TAX1BP1: variants seen among roughly 807,000 people sequenced by gnomAD.
TAX1BP1 encodes Tax1 binding protein 1.
TAX1BP1 carries 62 observed loss-of-function variants against 97.7 expected under a neutral mutation model. The ratio of observed to expected loss-of-function variants is 0.63; its 90% confidence interval spans 0.52 to 0.78. The LOEUF (loss-of-function observed/expected upper bound fraction) is 0.78, where lower values mean the gene tolerates loss of function less well. Ranked by LOEUF, TAX1BP1 falls within the 30% of genes least tolerant of loss-of-function variation. The probability of loss-of-function intolerance (pLI) is 0.00; values close to 1 mark genes in which losing one functional copy is unlikely to be tolerated. For synonymous variants in TAX1BP1, 340 were observed against 304.2 expected (o/e 1.12, Z -1.23); for missense variants, 867 against 916.1 (o/e 0.95, Z 0.69).
chr7:27,765,402 T>C (rs1788595278), intron 3 of TAX1BP1, among the ~76,000 whole-genome samples: 1 of 152,302 alleles, frequency 6.6e-6, no homozygotes, highest in Admixed American at 6.5e-5. Flanking sequence ...CATATTACTT[T>C]AGTTAATATC....
At chr7:27,748,777 C>A in intron 2 of TAX1BP1, 91 bp downstream of exon 2, 1 of 994,022 alleles carries the variant, frequency 1.0e-6, no homozygotes, top group South Asian at 3.5e-5. Context: ...TGCCTTAACT[C>A]TGCATTAAGA....
At chr7:27,787,684 C>A in intron 8 of TAX1BP1, 81 bp downstream of exon 8, 2 of 1,270,246 alleles carry the variant, frequency 1.6e-6, no homozygotes, top group Non-Finnish European at 2.1e-6. Context: ...ATTTTTAATT[C>A]CCCCAAGCTT....
At position 27,828,862 on chromosome 7, in the gene TAX1BP1, A is replaced by AT; in HGVS notation, c.*33_*34insT. ...TTATTATGAGTTAATATAGTTTAGC[A>AT]GTAAAAAAAAAAAAAAAAACCACAC... On this transcript the variant is annotated 3_prime_UTR_variant, in exon 17 of 17. Transcript: ENST00000396319. 26 of 1,176,430 alleles carry AT rather than the reference A, an allele frequency of 2.2e-5. No individual in the cohort carries two copies. The highest frequency in any genetic ancestry group is 2.8e-5 in the Non-Finnish European group (24 of 846,754). 72.9% of individuals were successfully genotyped at this position (1,176,430 alleles called of 1,614,324 possible).
At chr7:27,746,264 A>G (rs945296084) in intron 1 of TAX1BP1, among the ~76,000 whole-genome samples, 2 of 152,134 alleles carry the variant, frequency 1.3e-5, no homozygotes, top group African/African-American at 2.4e-5. Context: ...CACTCACTTC[A>G]TAGAAAAATA....
In TAX1BP1 at chr7:27,789,292, TTTA is replaced by T. The variant is rs551469267; in HGVS notation, c.1038+1692_1038+1694del. Among the ~76,000 whole-genome samples, 5 of 152,136 alleles carry T rather than the reference TTTA, an allele frequency of 3.3e-5. No homozygotes were observed. In the South Asian group the frequency reaches 1.0e-3, roughly 32 times the overall value. The stretch of plus-strand genomic sequence containing the variant: ...CTTGTATTTAATTTTAATATTTGCT[TTTA>T]TTCTTCTGTTTGATTTATTTTTATT... On this transcript the variant is annotated intron_variant, in intron 8 of 16. Transcript: ENST00000396319.
chr7:27,776,111 T>C (rs1016154696), intron 5 of TAX1BP1, among the ~76,000 whole-genome samples: 4 of 152,174 alleles, frequency 2.6e-5, no homozygotes, highest in African/African-American at 7.2e-5. Flanking sequence ...AAATTTGAAA[T>C]TCTAGTAATG....
intron 12 of TAX1BP1, among the ~76,000 whole-genome samples, chr7:27,797,739 C>T (rs11761430): frequency 0.1 from 15,034 of 150,480 alleles, 821 homozygotes; most frequent in South Asian, 0.12. Flanking sequence ...ACTACATTTT[C>T]GTTAAAGATG....
At chr7:27,790,355 A>G (rs1197298632) in intron 8 of TAX1BP1, among the ~76,000 whole-genome samples, 1 of 151,944 alleles carries the variant, frequency 6.6e-6, no homozygotes, top group Non-Finnish European at 1.5e-5. Context: ...AAACATCCTT[A>G]TAGCAATATG....
At chr7:27,765,357 C>CT (rs1788594241) in intron 3 of TAX1BP1, among the ~76,000 whole-genome samples, 2 of 152,036 alleles carry the variant, frequency 1.3e-5, no homozygotes, top group African/African-American at 4.8e-5. Flanking sequence ...TAGCAGACCT[C>CT]ATCTTTTCTG....
chr7:27,751,527 A>G (rs1202416160), intron 2 of TAX1BP1, among the ~76,000 whole-genome samples: 1 of 152,182 alleles, frequency 6.6e-6, no homozygotes, highest in Non-Finnish European at 1.5e-5. Flanking sequence ...AATGCTTATC[A>G]TTAATACTTA....
chr7:27,778,789 G>A (rs903140099), intron 5 of TAX1BP1, among the ~76,000 whole-genome samples: 1 of 151,778 alleles, frequency 6.6e-6, no homozygotes, highest in Non-Finnish European at 1.5e-5. Context: ...TTGAACCTGC[G>A]AGGTGGAGGT....
chr7:27,816,515 C>T lies in TAX1BP1; in HGVS notation c.1931C>T (p.Thr644Ile). 1 of 1,531,460 alleles carries T rather than the reference C, an allele frequency of 6.5e-7. No homozygotes were observed. Among genetic ancestry groups the T allele is most frequent in the East Asian group, 2.5e-5 (1 of 40,194 alleles). 94.9% of individuals were successfully genotyped at this position (1,531,460 alleles called of 1,614,324 possible). A position where few individuals can be genotyped will look rare whatever the true frequency, so the allele number is the denominator to read the frequency against. The change falls in exon 14 of 17, where the codon ACA (threonine) becomes ATA (isoleucine). Residue 644 changes from threonine to isoleucine, a missense_variant. Transcript: ENST00000396319. ...GGTAATCCTTATGCATCTCAGGAAA[C>T]AAGAGGTTATTACAGTATTTTTGGT... ...QYGNPYASQE[T>I]RDGADGAFYP... is the part of the protein sequence containing the mutation.
At chr7:27,792,917 G>T in intron 9 of TAX1BP1, 149 bp from the exon 10 acceptor site, 2 of 638,650 alleles carry the variant, frequency 3.1e-6, no homozygotes, top group Admixed American at 3.8e-5. Flanking sequence ...AGCCATAATT[G>T]GGCCACTGTG....
intron 15 of TAX1BP1, among the ~76,000 whole-genome samples, chr7:27,821,796 C>CA (rs1049011915): frequency 1.1e-4 from 16 of 151,842 alleles, no homozygotes; most frequent in African/African-American, 3.1e-4. Context: ...TCCTCACCAG[C>CA]AAAAAAAACC....
At chr7:27,766,419 C>CAAAAAAAAAAA (rs201297532) in intron 4 of TAX1BP1, among the ~76,000 whole-genome samples, 8 of 76,906 alleles carry the variant, frequency 1.0e-4, no homozygotes, top group Non-Finnish European at 1.7e-4. Context: ...GACTCCGTAT[C>CAAAAAAAAAAA]AAAAAAAAAA....
chr7:27,766,395 G>C (rs1423024820), intron 4 of TAX1BP1, among the ~76,000 whole-genome samples: 1 of 123,506 alleles, frequency 8.1e-6, no homozygotes, highest in African/African-American at 3.3e-5. Context: ...ACTCCAGCCT[G>C]GGCGACAGAG....
At chr7:27,777,921 A>T (rs1392105224) in intron 5 of TAX1BP1, among the ~76,000 whole-genome samples, 1 of 152,126 alleles carries the variant, frequency 6.6e-6, no homozygotes, top group African/African-American at 2.4e-5. Flanking sequence ...CAGGTGGTAG[A>T]GTTCATTTGG....
Position 27,765,795 on chromosome 7 carries a change from T to C in TAX1BP1, c.266-39T>C, listed in dbSNP as rs766546576. On this transcript the variant is annotated intron_variant, in intron 3 of 16. Transcript: ENST00000396319. ...AATTGAAATAACATGAATTTTATAA[T>C]AGGAAGTTTAATAATTTTGTTTGTT... is the stretch of plus-strand genomic sequence containing the variant. The C allele has an allele frequency of 4.0e-5, 61 of 1,519,284 alleles. No individual in the cohort carries two copies. In the African/African-American group the frequency reaches 5.5e-4, roughly 14 times the overall value. The allele number at this position is 1,519,284 out of a possible 1,614,324, so 94.1% of individuals were successfully genotyped here.
chr7:27,801,812 G>A (rs544727495), intron 13 of TAX1BP1, among the ~76,000 whole-genome samples: 1 of 152,248 alleles, frequency 6.6e-6, no homozygotes, highest in South Asian at 2.1e-4. Context: ...AGTTTCTTTT[G>A]CCCTATTTTG....
Sources: gnomAD v4.1 joint callset for allele counts (sites outside exome capture counted in the v4.1 genomes callset) on GRCh38, gnomAD v4.1.1 for gene constraint, MANE v1.5 for transcripts, NCBI Gene and HGNC (gene_info 2026-07-23, HGNC 2026-07-21) for gene names.